Variants in TGFBR1 observed in about 807,000 individuals in gnomAD.
TGFBR1 encodes the protein transforming growth factor beta receptor 1.
TGFBR1 carries 20 observed loss-of-function variants against 55.1 expected under a neutral mutation model. The observed-to-expected ratio is 0.36, with a 90% CI of 0.26 to 0.53. The LOEUF (loss-of-function observed/expected upper bound fraction) is 0.53. Ranked by LOEUF, TGFBR1 falls within the 20% of genes least tolerant of loss-of-function variation. The pLI, the probability that TGFBR1 is intolerant of heterozygous loss-of-function variation, is 0.91. For missense variants in TGFBR1, 385 were observed against 617.6 expected, an observed-to-expected ratio of 0.62 and a Z score of 3.99; for synonymous variants, 220 against 214.8, an observed-to-expected ratio of 1.02 and a Z score of -0.21.
chr9:99,117,766 AG>A (rs1254580061), intron 1 of TGFBR1, among the ~76,000 whole-genome samples: 1 of 152,178 alleles, frequency 6.6e-6, no homozygotes, highest in African/African-American at 2.4e-5. Flanking sequence ...GATATCGAGT[AG>A]TGTTAAGTCT....
At chr9:99,138,998 A>C (rs745644298) in intron 4 of TGFBR1, among the ~76,000 whole-genome samples, 2 of 151,970 alleles carry the variant, frequency 1.3e-5, no homozygotes, top group Non-Finnish European at 2.9e-5. Context: ...GGGTTTCACC[A>C]TGTTGGCCAG....
chr9:99,105,061 A>C, upstream of TGFBR1: 83 of 415,646 alleles, frequency 2.0e-4, no homozygotes, highest in South Asian at 4.2e-4. Context: ...CCCGGCAGCC[A>C]ATGGACGCGC....
intron 6 of TGFBR1, chr9:99,145,860 C>G (rs570999530): frequency 1.9e-4 from 30 of 155,076 alleles, no homozygotes; most frequent in African/African-American, 7.2e-4. Context: ...TTTCTGGATT[C>G]CCTGGGGACT....
Position 99,151,083 on chromosome 9 carries a change from A to G in TGFBR1, c.*1778A>G, listed in dbSNP as rs200566464. On this transcript the variant is annotated 3_prime_UTR_variant, in exon 9 of 9. Transcript: ENST00000374994. ...TTTACACTGAATGAGTTGCATTCTGATAATGTCTTATCTCTTATACGTAGA... is the reference window on the plus strand; with the variant it reads ...TTTACACTGAATGAGTTGCATTCTGGTAATGTCTTATCTCTTATACGTAGA... The G allele has an allele frequency of 1.3e-5, 3 of 228,418 alleles. No individual in the cohort carries two copies. Among genetic ancestry groups the G allele is most frequent in the African/African-American group, 6.7e-5 (3 of 45,082 alleles). 14.1% of individuals were successfully genotyped at this position (228,418 alleles called of 1,614,324 possible). A position where few individuals can be genotyped will look rare whatever the true frequency, so the allele number is the denominator to read the frequency against.
rs371415976 is a variant in TGFBR1 at position 99,129,099 on chromosome 9, T to A, written c.342T>A (p.Thr114=). ...DHCNKIELPT[T]VKSSPGLGPV... is the part of the protein sequence containing the mutation. ...GCAATAAAATAGAACTTCCAACTACTGGTAAGTTGTATAAAATTTTTTTCC... is the reference window on the plus strand; with the variant it reads ...GCAATAAAATAGAACTTCCAACTACAGGTAAGTTGTATAAAATTTTTTTCC... Residue 114 remains threonine, a splice_region_variant and synonymous_variant, in exon 2 of 9, where the codon ACT becomes ACA. Transcript: ENST00000374994. 1 of 1,613,780 alleles carries A rather than the reference T, an allele frequency of 6.2e-7. No homozygotes were observed. Among genetic ancestry groups the A allele is most frequent in the Non-Finnish European group, 8.5e-7 (1 of 1,179,850 alleles).
intron 1 of TGFBR1, among the ~76,000 whole-genome samples, chr9:99,117,450 A>G (rs891051966): frequency 6.6e-6 from 1 of 151,936 alleles, no homozygotes; most frequent in Non-Finnish European, 1.5e-5. Context: ...TTCTGACCCA[A>G]ATGTTTTAAA....
chr9:99,147,027 T>C (rs1035325197), intron 7 of TGFBR1, among the ~76,000 whole-genome samples: 7 of 152,218 alleles, frequency 4.6e-5, no homozygotes, highest in Non-Finnish European at 8.8e-5. Flanking sequence ...AATACAATTA[T>C]GTTACCATTG....
At position 99,113,375 on chromosome 9, in the gene TGFBR1, C is replaced by G. The variant is rs1051005071; in HGVS notation, c.97+8073C>G. ...TTTTCCTGTTGTTTTTCTCAATGAACCAAACACTGGTGCAGTTGTATCCCT... is the reference window on the plus strand; with the variant it reads ...TTTTCCTGTTGTTTTTCTCAATGAAGCAAACACTGGTGCAGTTGTATCCCT... On this transcript the variant is annotated intron_variant, in intron 1 of 8. Coordinates refer to ENST00000374994, the MANE Select transcript of TGFBR1 (RefSeq NM_004612.4). 3.7e-4 allele frequency among the ~76,000 whole-genome samples: 57 copies of G among 152,286 alleles called. 1 individual carries two copies. Among genetic ancestry groups the G allele is most frequent in the African/African-American group, 1.3e-3 (56 of 41,544 alleles).
At chr9:99,122,120 A>G (rs572183309) in intron 1 of TGFBR1, among the ~76,000 whole-genome samples, 19 of 152,276 alleles carry the variant, frequency 1.2e-4, no homozygotes, top group Non-Finnish European at 1.8e-4. Context: ...GAGAGATTTC[A>G]GTTGAGCTCT....
chr9:99,137,240 A>G (rs1042592928), intron 3 of TGFBR1, among the ~76,000 whole-genome samples: 1 of 152,218 alleles, frequency 6.6e-6, no homozygotes, highest in African/African-American at 2.4e-5. Flanking sequence ...TGACTTATCA[A>G]AAAGCCAGAA....
At chr9:99,110,843 T>G (rs374210864) in intron 1 of TGFBR1, among the ~76,000 whole-genome samples, 1 of 152,252 alleles carries the variant, frequency 6.6e-6, no homozygotes, top group Non-Finnish European at 1.5e-5. Context: ...TAATGAAAGG[T>G]GGAGCCTTCA....
chr9:99,145,014 G>A, intron 6 of TGFBR1, 126 bp downstream of exon 6: 1 of 1,110,432 alleles, frequency 9.0e-7, no homozygotes. Flanking sequence ...CAACAGGTAA[G>A]AAGATCTCAT....
intron 1 of TGFBR1, among the ~76,000 whole-genome samples, chr9:99,117,786 T>C (rs1347460218): frequency 6.6e-6 from 1 of 152,200 alleles, no homozygotes; most frequent in African/African-American, 2.4e-5. Context: ...CTTTCAAAGA[T>C]TGCTTTGGTT....
chr9:99,127,992 T>C (rs1011629708), intron 1 of TGFBR1: 1 of 455,868 alleles, frequency 2.2e-6, no homozygotes, highest in Non-Finnish European at 4.4e-6. Flanking sequence ...AAAACAAAAC[T>C]AGCAATTCTG....
At chr9:99,115,172 A>G (rs1826700733) in intron 1 of TGFBR1, among the ~76,000 whole-genome samples, 1 of 152,022 alleles carries the variant, frequency 6.6e-6, no homozygotes, top group African/African-American at 2.4e-5. Flanking sequence ...ATCACTCATG[A>G]TTTGTAAGGA....
intron 3 of TGFBR1, among the ~76,000 whole-genome samples, chr9:99,133,865 G>T (rs868021934): frequency 6.6e-6 from 1 of 152,040 alleles, no homozygotes; most frequent in African/African-American, 2.4e-5. Context: ...TTAGCCGGGC[G>T]TAGTGGCATG....
In TGFBR1 at chr9:99,150,917, T is replaced by C. The variant is rs200036408; in HGVS notation, c.*1612T>C. On this transcript the variant is annotated 3_prime_UTR_variant, in exon 9 of 9. Transcript: ENST00000374994. ...GGCTTTTACAGTTTTCGAAGTCCTT[T>C]TATCACTGTGATCTTATTCTGAGGG... The C allele has an allele frequency of 1.8e-5, 4 of 223,796 alleles. No individual in the cohort carries two copies. In the South Asian group the frequency reaches 5.5e-4, roughly 31 times the overall value. 13.9% of individuals were successfully genotyped at this position (223,796 alleles called of 1,614,324 possible).
chr9:99,113,629 A>T (rs1459592741), intron 1 of TGFBR1, among the ~76,000 whole-genome samples: 3 of 152,216 alleles, frequency 2.0e-5, no homozygotes, highest in African/African-American at 7.2e-5. Flanking sequence ...CGTTGTGAAG[A>T]TAGTGTACAG....
intron 1 of TGFBR1, chr9:99,127,707 C>T: frequency 2.9e-6 from 1 of 346,458 alleles, no homozygotes; most frequent in Non-Finnish European, 5.6e-6. Flanking sequence ...TAGAGTGGAC[C>T]TTGCTGTTCA....
Sources: gnomAD v4.1 joint callset for allele counts (sites outside exome capture counted in the v4.1 genomes callset) on GRCh38, gnomAD v4.1.1 for gene constraint, MANE v1.5 for transcripts, NCBI Gene and HGNC (gene_info 2026-07-23, HGNC 2026-07-21) for gene names.